CDH12: variants seen among roughly 807,000 people sequenced by gnomAD.
The protein encoded by CDH12 is cadherin 12.
In CDH12, 41 loss-of-function variants were observed where a neutral mutation model predicts 74.1. The observed-to-expected ratio is 0.55, with a 90% CI of 0.43 to 0.72. The LOEUF (loss-of-function observed/expected upper bound fraction) is 0.72, where lower values mean the gene tolerates loss of function less well. Among genes scored for constraint, CDH12 ranks in the 30% least tolerant of loss-of-function variants. The probability of loss-of-function intolerance (pLI) is 0.00; values close to 1 mark genes in which losing one functional copy is unlikely to be tolerated. For missense variants in CDH12, 945 were observed against 977.2 expected (o/e 0.97, Z 0.44); for synonymous variants, 399 against 355.0 (o/e 1.12, Z -1.39).
At chr5:22,682,470 G>T (rs1741544583) in intron 1 of CDH12, among the ~76,000 whole-genome samples, 1 of 151,976 alleles carries the variant, frequency 6.6e-6, no homozygotes, top group Non-Finnish European at 1.5e-5. Context: ...CACGGTAGTG[G>T]TCTCTTATAT....
At chr5:21,807,920 G>A (rs540511922) in intron 9 of CDH12, among the ~76,000 whole-genome samples, 28 of 152,200 alleles carry the variant, frequency 1.8e-4, no homozygotes, top group African/African-American at 6.5e-4. Flanking sequence ...CTTGAGAGGT[G>A]TGATCTAACC....
In CDH12 at chr5:22,277,257, C is replaced by T. The variant is rs186386209; in HGVS notation, c.-332-64614G>A. ...TATAGCAACTGGTATTTCTCTGCCA[C>T]GAATGCTCTCAATGGCAGACAAACT... is the stretch of plus-strand genomic sequence containing the variant. On this transcript the variant is annotated intron_variant, in intron 3 of 14. Coordinates refer to ENST00000382254, the MANE Select transcript of CDH12 (RefSeq NM_004061.5). Among the ~76,000 whole-genome samples the T allele has an allele frequency of 1.1e-3, 170 of 152,294 alleles. 1 individual carries two copies. In the East Asian group the frequency reaches 0.012, roughly 11 times the overall value.
intron 2 of CDH12, among the ~76,000 whole-genome samples, chr5:22,498,769 A>G (rs761319580): frequency 2.6e-5 from 4 of 151,812 alleles, no homozygotes; most frequent in Non-Finnish European, 5.9e-5. Flanking sequence ...GGTGAGACAC[A>G]TGCATGCATT....
intron 2 of CDH12, among the ~76,000 whole-genome samples, chr5:22,492,350 G>GAT (rs11395240): frequency 0.02 from 2,908 of 148,394 alleles, 93 homozygotes; most frequent in African/African-American, 0.052. Flanking sequence ...TACTAAAAAT[G>GAT]TTTTTTTTTT....
At chr5:22,450,736 T>G (rs192822531) in intron 2 of CDH12, among the ~76,000 whole-genome samples, 1 of 151,948 alleles carries the variant, frequency 6.6e-6, no homozygotes, top group Non-Finnish European at 1.5e-5. Flanking sequence ...GTTTTTATCC[T>G]ATTTCAAATA....
chr5:22,424,885 A>G (rs1743826810), intron 2 of CDH12, among the ~76,000 whole-genome samples: 1 of 151,948 alleles, frequency 6.6e-6, no homozygotes, highest in Non-Finnish European at 1.5e-5. Flanking sequence ...AATAAATAAG[A>G]CTTTTAATCA....
At chr5:21,808,468 A>T (rs143031050) in intron 9 of CDH12, among the ~76,000 whole-genome samples, 1 of 152,014 alleles carries the variant, frequency 6.6e-6, no homozygotes, top group African/African-American at 2.4e-5. Flanking sequence ...GTAGGTCTTA[A>T]TAGGCAATGG....
intron 3 of CDH12, among the ~76,000 whole-genome samples, chr5:22,320,456 C>T (rs987736277): frequency 6.6e-6 from 1 of 151,952 alleles, no homozygotes; most frequent in African/African-American, 2.4e-5. Context: ...TTTCATGTCA[C>T]ATTGATAAAG....
chr5:22,754,564 G>T (rs1745781705), intron 1 of CDH12, among the ~76,000 whole-genome samples: 1 of 54,216 alleles, frequency 1.8e-5, no homozygotes, highest in Non-Finnish European at 3.9e-5. Flanking sequence ...GAAGTGGAAA[G>T]CAGACAAAAA....
intron 4 of CDH12, among the ~76,000 whole-genome samples, chr5:22,167,335 G>A (rs984412688): frequency 4.6e-5 from 7 of 152,184 alleles, no homozygotes; most frequent in South Asian, 2.1e-4. Flanking sequence ...ATCGCTGAAA[G>A]AAAGATACCC....
chr5:22,233,305 A>ATAT (rs559666290), intron 3 of CDH12, among the ~76,000 whole-genome samples: 14 of 151,132 alleles, frequency 9.3e-5, no homozygotes, highest in African/African-American at 3.4e-4. Context: ...AAGCAAAAAA[A>ATAT]ATATATATAT....
intron 2 of CDH12, among the ~76,000 whole-genome samples, chr5:22,421,780 T>C (rs574483862): frequency 2.0e-5 from 3 of 152,344 alleles, no homozygotes; most frequent in Admixed American, 6.5e-5. Flanking sequence ...TCCACAATGG[T>C]TGAACTAGTT....
chr5:22,180,221 C>T (rs1208118836), intron 4 of CDH12, among the ~76,000 whole-genome samples: 1 of 152,112 alleles, frequency 6.6e-6, no homozygotes, highest in Non-Finnish European at 1.5e-5. Context: ...TCCTACCTAA[C>T]TCACCCTACA....
rs539159707 is a variant in CDH12 at position 22,704,272 on chromosome 5, T to G, written c.-523+148786A>C. 2.6e-5 allele frequency among the ~76,000 whole-genome samples: 4 copies of G among 152,238 alleles called. No homozygotes were observed. The South Asian group carries it at 8.3e-4, about 32-fold the overall frequency. ...GCTGGAGAGAGAGGATGCTAAGATG[T>G]GTAGAGCAGTGGGGACAGTGATGTC... On this transcript the variant is annotated intron_variant, in intron 1 of 14. Transcript: ENST00000382254.
intron 6 of CDH12, among the ~76,000 whole-genome samples, chr5:21,935,589 C>T (rs1471718510): frequency 6.6e-6 from 1 of 152,140 alleles, no homozygotes; most frequent in African/African-American, 2.4e-5. Context: ...CTTTGTGTTA[C>T]AAACAATCTG....
chr5:22,174,860 A>G (rs1228382185), intron 4 of CDH12, among the ~76,000 whole-genome samples: 1 of 152,000 alleles, frequency 6.6e-6, no homozygotes, highest in African/African-American at 2.4e-5. Context: ...TAAATTTTAA[A>G]GAACTGTCTT....
chr5:22,048,680 A>G (rs1042195496), intron 5 of CDH12, among the ~76,000 whole-genome samples: 4 of 152,160 alleles, frequency 2.6e-5, no homozygotes, highest in African/African-American at 9.7e-5. Flanking sequence ...TGAGAGGAGA[A>G]TGAGAATGAG....
At chr5:22,036,879 T>G (rs1739226702) in intron 5 of CDH12, among the ~76,000 whole-genome samples, 1 of 152,192 alleles carries the variant, frequency 6.6e-6, no homozygotes, top group Non-Finnish European at 1.5e-5. Flanking sequence ...ATACAGTTAT[T>G]TTTCCTAAAA....
intron 4 of CDH12, among the ~76,000 whole-genome samples, chr5:22,203,439 GGCT>G (rs1751031946): frequency 6.6e-6 from 1 of 152,060 alleles, no homozygotes. Flanking sequence ...TCTATTTTAT[GGCT>G]GAATAGTATT....
Sources: allele counts gnomAD v4.1 joint callset (sites outside exome capture counted in the v4.1 genomes callset), GRCh38; gene constraint gnomAD v4.1.1; transcripts MANE v1.5; gene names NCBI Gene and HGNC (gene_info 2026-07-23, HGNC 2026-07-21).